The following SPATS2L variants were observed in gnomAD, a reference collection of about 807,000 sequenced individuals.
SPATS2L encodes SPATS2-like protein.
In SPATS2L, 30 loss-of-function variants were observed where a neutral mutation model predicts 59.6. The ratio of observed to expected loss-of-function variants is 0.50; its 90% confidence interval spans 0.38 to 0.68. SPATS2L has a LOEUF of 0.68. Among genes scored for constraint, SPATS2L ranks in the 30% least tolerant of loss-of-function variants. The probability of loss-of-function intolerance (pLI) is 0.00; values close to 1 mark genes in which losing one functional copy is unlikely to be tolerated. For synonymous variants in SPATS2L, 252 were observed against 263.5 expected (o/e 0.96, Z 0.42); for missense variants, 615 against 700.0 (o/e 0.88, Z 1.37).
intron 3 of SPATS2L, among the ~76,000 whole-genome samples, chr2:200,405,097 C>G (rs1184861102): frequency 6.6e-6 from 1 of 152,132 alleles, no homozygotes; most frequent in Non-Finnish European, 1.5e-5. Flanking sequence ...CCATGGACGT[C>G]TTTGAGGGGC....
chr2:200,329,104 G>C lies in SPATS2L; in HGVS notation c.-72-327G>C, dbSNP rs543320222. On this transcript the variant is annotated intron_variant, in intron 1 of 12. Transcript: ENST00000409140. ...AACAATGCTAGACACTTCCTAAGCA[G>C]GCAATAAATGTTAGCTGTTGTTGGT... Among the ~76,000 whole-genome samples, 3 of 152,324 alleles carry C rather than the reference G, an allele frequency of 2.0e-5. No individual in the cohort carries two copies. In the East Asian group the frequency reaches 5.8e-4, roughly 29 times the overall value.
At chr2:200,435,400 G>A (rs12466237) in intron 6 of SPATS2L, among the ~76,000 whole-genome samples, 1 of 152,100 alleles carries the variant, frequency 6.6e-6, no homozygotes, top group Non-Finnish European at 1.5e-5. Context: ...TTGAAATCTA[G>A]GCAGATGGTG....
chr2:200,336,027 C>G (rs1484891254), intron 2 of SPATS2L, among the ~76,000 whole-genome samples: 1 of 152,104 alleles, frequency 6.6e-6, no homozygotes, highest in Non-Finnish European at 1.5e-5. Flanking sequence ...TTTACAAATT[C>G]TATATTTTAG....
chr2:200,471,267 T>C (rs1456999109), intron 11 of SPATS2L, among the ~76,000 whole-genome samples: 1 of 152,200 alleles, frequency 6.6e-6, no homozygotes, highest in Non-Finnish European at 1.5e-5. Context: ...AAAATTATTG[T>C]TCCCCCCTGT....
At position 200,314,823 on chromosome 2, in the gene SPATS2L, G is replaced by A. The variant is rs374946206; in HGVS notation, c.-73+7901G>A. Among the ~76,000 whole-genome samples, 5 of 152,208 alleles carry A rather than the reference G, an allele frequency of 3.3e-5. No individual in the cohort carries two copies. In the East Asian group the frequency reaches 5.8e-4, roughly 18 times the overall value. ...TGTGCGTAAGTGTAAAATACACCAT[G>A]CTTTGAGACTATATAAAAAAATGTA... On this transcript the variant is annotated intron_variant, in intron 1 of 12. Transcript: ENST00000409140.
chr2:200,430,050 A>G (rs189829286), intron 6 of SPATS2L, among the ~76,000 whole-genome samples: 235 of 152,194 alleles, frequency 1.5e-3, no homozygotes, highest in African/African-American at 5.5e-3. Context: ...TCAGAACACT[A>G]TATGCTTTTC....
chr2:200,339,245 T>A (rs1207083360), intron 2 of SPATS2L, among the ~76,000 whole-genome samples: 1 of 152,204 alleles, frequency 6.6e-6, no homozygotes, highest in Admixed American at 6.5e-5. Context: ...TTAGCTTTTT[T>A]TTCTTTTTTT....
chr2:200,388,696 G>GAA (rs1253798701), intron 2 of SPATS2L, among the ~76,000 whole-genome samples: 2 of 133,750 alleles, frequency 1.5e-5, no homozygotes, highest in Admixed American at 7.5e-5. Flanking sequence ...TAGAAAAGTT[G>GAA]AAAAAAAAAA....
At chr2:200,332,031 T>G (rs1181686330) in intron 2 of SPATS2L, among the ~76,000 whole-genome samples, 1 of 152,204 alleles carries the variant, frequency 6.6e-6, no homozygotes, top group Non-Finnish European at 1.5e-5. Context: ...GTATTGAACT[T>G]GGAACCCTTT....
intron 2 of SPATS2L, among the ~76,000 whole-genome samples, chr2:200,332,800 A>G (rs796165213): frequency 8.6e-6 from 1 of 116,918 alleles, no homozygotes; most frequent in African/African-American, 2.9e-5. Context: ...GTGTGTATGT[A>G]TGTATCTATG....
intron 2 of SPATS2L, among the ~76,000 whole-genome samples, chr2:200,388,289 AG>A (rs1250043680): frequency 6.6e-6 from 1 of 152,084 alleles, no homozygotes; most frequent in Non-Finnish European, 1.5e-5. Context: ...AAGACTGCAG[AG>A]GACAGGTGCA....
At chr2:200,462,923 A>G (rs2086340952) in intron 9 of SPATS2L, among the ~76,000 whole-genome samples, 1 of 151,694 alleles carries the variant, frequency 6.6e-6, no homozygotes, top group Non-Finnish European at 1.5e-5. Flanking sequence ...GAGACCCTGT[A>G]TTAAAAATAA....
chr2:200,380,876 C>G (rs2081785861), intron 2 of SPATS2L, among the ~76,000 whole-genome samples: 2 of 152,158 alleles, frequency 1.3e-5, no homozygotes, highest in South Asian at 4.1e-4. Flanking sequence ...ATTTCAGTCA[C>G]CACCCTGTTT....
intron 2 of SPATS2L, among the ~76,000 whole-genome samples, chr2:200,342,186 T>C (rs1177698102): frequency 6.6e-6 from 1 of 152,172 alleles, no homozygotes; most frequent in African/African-American, 2.4e-5. Flanking sequence ...CCTGGGACCA[T>C]GTCTTGTATT....
chr2:200,443,177 T>C (rs1442461710), intron 8 of SPATS2L, among the ~76,000 whole-genome samples: 1 of 152,192 alleles, frequency 6.6e-6, no homozygotes, highest in Non-Finnish European at 1.5e-5. Flanking sequence ...CCAAATGAGC[T>C]TGCAGCCCAG....
chr2:200,308,862 T>C (rs544382296), intron 1 of SPATS2L: 1 of 563,612 alleles, frequency 1.8e-6, no homozygotes, highest in Non-Finnish European at 3.2e-6. Context: ...TGATCAAGAC[T>C]CCTTTTGTAT....
intron 6 of SPATS2L, among the ~76,000 whole-genome samples, chr2:200,424,279 G>A (rs534866724): frequency 1.3e-5 from 2 of 152,004 alleles, no homozygotes; most frequent in South Asian, 4.2e-4. Flanking sequence ...TTGAGGCCAG[G>A]AGTTTGAGAC....
chr2:200,329,869 C>T (rs2079877913), intron 2 of SPATS2L, among the ~76,000 whole-genome samples: 1 of 152,004 alleles, frequency 6.6e-6, no homozygotes, highest in Admixed American at 6.5e-5. Flanking sequence ...AGCCAGACTG[C>T]CTGGCTTTCC....
At chr2:200,370,676 A>G (rs921017165) in intron 2 of SPATS2L, among the ~76,000 whole-genome samples, 2 of 152,226 alleles carry the variant, frequency 1.3e-5, no homozygotes, top group Non-Finnish European at 2.9e-5. Context: ...AATTCTGTGT[A>G]GTTGATATTG....
Sources: allele counts gnomAD v4.1 joint callset (sites outside exome capture counted in the v4.1 genomes callset), GRCh38; gene constraint gnomAD v4.1.1; transcripts MANE v1.5; gene names NCBI Gene and HGNC (gene_info 2026-07-23, HGNC 2026-07-21).